Variants in FN1 observed in about 807,000 individuals in gnomAD.
FN1 encodes fibronectin.
In FN1, 106 loss-of-function variants were observed where a neutral mutation model predicts 297.3. That is an observed-to-expected ratio of 0.36 (90% CI 0.30 to 0.42). The LOEUF (loss-of-function observed/expected upper bound fraction) is 0.42. FN1 is among the 10% of genes least tolerant of loss of function. The pLI, the probability that FN1 is intolerant of heterozygous loss-of-function variation, is 1.00. For synonymous variants in FN1, 1,149 were observed against 1,152.6 expected (o/e 1.00, Z 0.06); for missense variants, 2,690 against 3,124.9 (o/e 0.86, Z 3.32).
At chr2:215,394,416 G>C in intron 24 of FN1, 112 bp downstream of exon 24, 1 of 966,858 alleles carries the variant, frequency 1.0e-6, no homozygotes, top group Non-Finnish European at 1.7e-6. Context: ...CTGGGAGATC[G>C]GAATTAAATC....
intron 42 of FN1, among the ~76,000 whole-genome samples, chr2:215,367,084 TG>T (rs777195486): frequency 4.6e-5 from 7 of 152,214 alleles, no homozygotes; most frequent in Non-Finnish European, 8.8e-5. Flanking sequence ...ATATGATTTC[TG>T]TATGTCTATA....
chr2:215,363,271 G>T (rs1271567039), intron 44 of FN1: 3 of 152,178 alleles, frequency 2.0e-5, no homozygotes, highest in African/African-American at 4.8e-5. Flanking sequence ...ATGCTGAAGT[G>T]AGACCAAAAT....
chr2:215,391,447 A>G (rs1166855069), intron 26 of FN1, among the ~76,000 whole-genome samples, 185 bp downstream of exon 26: 1 of 152,218 alleles, frequency 6.6e-6, no homozygotes, highest in Non-Finnish European at 1.5e-5. Context: ...AGATATCAAA[A>G]GTATATTAAG....
At chr2:215,429,666 G>A (rs1377698232) in intron 5 of FN1, among the ~76,000 whole-genome samples, 2 of 152,170 alleles carry the variant, frequency 1.3e-5, no homozygotes, top group Non-Finnish European at 2.9e-5. Context: ...TTAATACTGT[G>A]TTTTGCAGAT....
chr2:215,381,003 C>T lies in FN1; in HGVS notation c.5242G>A (p.Gly1748Arg). Residue 1748 changes from glycine (G) to arginine (R), a missense_variant, in exon 33 of 46, where the codon GGG becomes AGG. This residue lies in a region of FN1 where 1,743 missense variants were observed against 1,945.2 expected (regional missense o/e 0.90). Coordinates refer to ENST00000354785, the MANE Select transcript of FN1 (RefSeq NM_212482.4). ...GTCACCCTGTACCTGGAAACTTGCC[C>T]CTGTGGGCTTTCCCAAGCAATTTTG... ...SIKIAWESPQ[G>R]QVSRYRVTYS... 1 of 1,614,230 alleles carries T rather than the reference C, an allele frequency of 6.2e-7. No individual in the cohort carries two copies. Among genetic ancestry groups the T allele is most frequent in the Non-Finnish European group, 8.5e-7 (1 of 1,180,048 alleles).
Position 215,373,332 on chromosome 2 carries a change from C to G in FN1, c.6237G>C (p.Arg2079Ser). ...NNQKSEPLIGRKKTDELPQLV... is the reference protein window; with the variant it reads ...NNQKSEPLIGSKKTDELPQLV... ...GCAAGATACTCTTACCTGTCTTTTT[C>G]CTTCCAATCAGGGGCTCGCTCTTCT... is the stretch of plus-strand genomic sequence containing the variant. The change falls in exon 39 of 46, where the codon AGG becomes AGC. Residue 2079 changes from arginine to serine, a missense_variant. Arg to Ser is a moderately radical substitution (Grantham distance 110). Coordinates refer to ENST00000354785, the MANE Select transcript of FN1 (RefSeq NM_212482.4). 1 of 1,612,996 alleles carries G rather than the reference C, an allele frequency of 6.2e-7. No individual in the cohort carries two copies. The highest frequency in any genetic ancestry group is 8.5e-7 in the Non-Finnish European group (1 of 1,179,178).
chr2:215,408,336 C>T lies in FN1; in HGVS notation c.2390G>A (p.Gly797Glu). The T allele has an allele frequency of 5.6e-6, 9 of 1,614,090 alleles. No individual in the cohort carries two copies. Among genetic ancestry groups the T allele is most frequent in the Non-Finnish European group, 7.6e-6 (9 of 1,179,968 alleles). The change falls in exon 16 of 46, where the codon GGG becomes GAG. Residue 797 changes from glycine to glutamate, a missense_variant. By Grantham distance (98) the Gly-to-Glu change is moderately conservative. Transcript: ENST00000354785. ...AGTAGACAGGATCAAACTCTGCTCC[C>T]CATCCTCAGATATCTGATAGACATT... Reference protein sequence around the residue: ...IVNVYQISEDGEQSLILSTSQ... With the variant: ...IVNVYQISEDEEQSLILSTSQ...
rs199764052 is a variant in FN1 at position 215,414,907 on chromosome 2, T to C, written c.1871A>G (p.Asn624Ser). The C allele has an allele frequency of 7.2e-5, 116 of 1,613,682 alleles. No individual in the cohort carries two copies. The highest frequency in any genetic ancestry group is 8.8e-5 in the Non-Finnish European group (104 of 1,179,876). Residue 624 changes from asparagine (N) to serine (S), a missense_variant, in exon 13 of 46, where the codon AAC becomes AGC. Around this residue, in one of 3 missense-constraint regions of FN1, gnomAD observed 876 missense variants for 1,058.1 expected, o/e 0.83. Coordinates refer to ENST00000354785, the MANE Select transcript of FN1 (RefSeq NM_212482.4). ...TGCATTCCACTGGATGGGGTGGGAG[T>C]TGGGCTGACTCGGAGTCTCAGTGAT... ...VFITETPSQPNSHPIQWNAPQ... is the reference protein window; with the variant it reads ...VFITETPSQPSSHPIQWNAPQ...
intron 39 of FN1, chr2:215,372,626 C>A (rs530717558): frequency 7.4e-6 from 4 of 538,238 alleles, no homozygotes; most frequent in Admixed American, 6.2e-5. Flanking sequence ...AGCTTTAAAC[C>A]GCTGAGCCCC....
intron 10 of FN1, 87 bp downstream of exon 10, chr2:215,422,004 T>A (rs2064479562): frequency 1.6e-6 from 2 of 1,244,140 alleles, no homozygotes; most frequent in African/African-American, 1.5e-5. Context: ...TCCCCTGCTT[T>A]TGGCATAGTG....
intron 22 of FN1, 78 bp from the exon 23 acceptor site, chr2:215,397,301 T>A (rs1559458302): frequency 1.0e-6 from 1 of 994,002 alleles, no homozygotes; most frequent in Non-Finnish European, 1.6e-6. Flanking sequence ...CTTCCCTACC[T>A]CCCTCTCTTC....
intron 3 of FN1, 83 bp downstream of exon 3, chr2:215,433,241 T>C (rs1291934201): frequency 4.5e-6 from 7 of 1,555,474 alleles, no homozygotes; most frequent in East Asian, 4.5e-5. Context: ...TATCCAGTCA[T>C]GGATAACAGA....
At chr2:215,414,611 AGCC>A (rs2063166979) in intron 13 of FN1, 3 of 1,073,854 alleles carry the variant, frequency 2.8e-6, no homozygotes, top group Non-Finnish European at 3.7e-6. Flanking sequence ...TCCAAATACC[AGCC>A]CCCCCACCGC....
intron 28 of FN1, 127 bp from the exon 29 acceptor site, chr2:215,385,103 T>G: frequency 7.0e-6 from 5 of 715,096 alleles, no homozygotes; most frequent in South Asian, 3.0e-5. Flanking sequence ...CTACGTGTAA[T>G]TAGCAGAATT....
intron 19 of FN1, 105 bp from the exon 20 acceptor site, chr2:215,404,760 G>A: frequency 1.8e-6 from 2 of 1,089,908 alleles, no homozygotes; most frequent in Non-Finnish European, 2.8e-6. Flanking sequence ...CCTCAAGGTT[G>A]TAACTATGTG....
At chr2:215,379,831 T>C (rs994858134) in intron 33 of FN1, 2 of 158,646 alleles carry the variant, frequency 1.3e-5, no homozygotes, top group Admixed American at 6.2e-5. Context: ...TAGCTGGGAC[T>C]ACAGGCATGT....
chr2:215,362,423 T>A, intron 44 of FN1: 1 of 304,704 alleles, frequency 3.3e-6, no homozygotes. Flanking sequence ...TTTCAAAGAA[T>A]CCTAGCGATT....
Position 215,365,966 on chromosome 2 carries a change from A to ATTT in FN1, c.7019-339_7019-337dup, listed in dbSNP as rs559516647. On this transcript the variant is annotated intron_variant, in intron 42 of 45. Transcript: ENST00000354785. ...GATTACAGGCACTCCCCACAGTGCTATTTTTTTTTTTTTTTTTTTTTTTGT... is the reference window on the plus strand; with the variant it reads ...GATTACAGGCACTCCCCACAGTGCTATTTTTTTTTTTTTTTTTTTTTTTTTTGT... 2.8e-3 allele frequency among the ~76,000 whole-genome samples: 255 copies of ATTT among 90,330 alleles called. 1 individual carries two copies. Among genetic ancestry groups the ATTT allele is most frequent in the African/African-American group, 5.4e-3 (115 of 21,192 alleles). 59.3% of individuals were successfully genotyped at this position (90,330 alleles called of 152,430 possible). A position where few individuals can be genotyped will look rare whatever the true frequency, so the allele number is the denominator to read the frequency against.
chr2:215,388,385 G>T, intron 26 of FN1, 84 bp from the exon 27 acceptor site: 3 of 962,982 alleles, frequency 3.1e-6, no homozygotes, highest in South Asian at 2.6e-5. Flanking sequence ...TTGAACTGAT[G>T]AAATATCCAA....
Sources: gnomAD v4.1 joint callset for allele counts (sites outside exome capture counted in the v4.1 genomes callset) on GRCh38, gnomAD v4.1.1 for gene constraint, gnomAD v4.1.1 regional missense constraint, MANE v1.5 for transcripts, NCBI Gene and HGNC (gene_info 2026-07-23, HGNC 2026-07-21) for gene names.